WDR4: variants seen among roughly 807,000 people sequenced by gnomAD.
The protein encoded by WDR4 is tRNA (guanine-N(7)-)-methyltransferase non-catalytic subunit WDR4.
Under a neutral mutation model 48.6 loss-of-function variants are expected in WDR4, and 47 were observed. That is an observed-to-expected ratio of 0.97 (90% confidence interval 0.77 to 1.23). The LOEUF is 1.23. WDR4 is among the 50% of genes most tolerant of loss of function. The pLI, the probability that WDR4 is intolerant of heterozygous loss-of-function variation, is 0.00. For synonymous variants in WDR4, 268 were observed against 230.0 expected (o/e 1.17, Z -1.49); for missense variants, 606 against 551.6 (o/e 1.10, Z -0.99).
chr21:42,847,819 CCTGT>C (rs150559879), downstream of WDR4, among the ~76,000 whole-genome samples: 8,533 of 152,342 alleles, frequency 0.056, 351 homozygotes, highest in Non-Finnish European at 0.088. Context: ...AGCGCATGGG[CCTGT>C]CTGCCAGACC....
chr21:42,871,850 A>G (rs879913726), intron 3 of WDR4, among the ~76,000 whole-genome samples: 3 of 152,236 alleles, frequency 2.0e-5, no homozygotes, highest in Non-Finnish European at 4.4e-5. Context: ...ACATATACAT[A>G]AAAACATATA....
At chr21:42,867,392 C>CAAAAAAAAA (rs1569329587) in intron 3 of WDR4, among the ~76,000 whole-genome samples, 1 of 64,946 alleles carries the variant, frequency 1.5e-5, no homozygotes, top group Non-Finnish European at 3.2e-5. Flanking sequence ...CTCCGCTCCA[C>CAAAAAAAAA]CAAAAAAAAA....
intron 3 of WDR4, among the ~76,000 whole-genome samples, chr21:42,869,668 A>G (rs1327600361): frequency 6.9e-6 from 1 of 144,254 alleles, no homozygotes; most frequent in Non-Finnish European, 1.5e-5. Context: ...TAGGATATGG[A>G]AAAAAAAAAA....
At chr21:42,876,064 C>T (rs1380583633) in intron 2 of WDR4, among the ~76,000 whole-genome samples, 5 of 150,306 alleles carry the variant, frequency 3.3e-5, no homozygotes, top group Non-Finnish European at 4.4e-5. Flanking sequence ...GGACTACAGG[C>T]GCCCACCAGC....
chr21:42,849,976 A>C lies in WDR4; in HGVS notation c.*73T>G, dbSNP rs2057776447. The stretch of plus-strand genomic sequence containing the variant: ...GTCACCTTTTCCTTCTTGAAGGGAC[A>C]TGCCAGGATGCAGGGGAACAAGTTA... On this transcript the variant is annotated 3_prime_UTR_variant, in exon 11 of 11. Transcript: ENST00000398208. 1.9e-6 allele frequency: 3 copies of C among 1,576,816 alleles called. No individual in the cohort carries two copies. In the African/African-American group the frequency reaches 4.1e-5, roughly 22 times the overall value.
At chr21:42,851,441 C>T (rs1378393929) in intron 10 of WDR4, among the ~76,000 whole-genome samples, 1 of 152,212 alleles carries the variant, frequency 6.6e-6, no homozygotes, top group Non-Finnish European at 1.5e-5. Flanking sequence ...GGAAACTCCT[C>T]CGACCTCAGT....
At chr21:42,864,149 C>T (rs1428979343) in intron 3 of WDR4, among the ~76,000 whole-genome samples, 1 of 149,004 alleles carries the variant, frequency 6.7e-6, no homozygotes, top group African/African-American at 2.5e-5. Flanking sequence ...TAGAAAATTG[C>T]TCCTGATGGT....
At chr21:42,892,023 A>G in the WDR4 span, among the ~76,000 whole-genome samples, 1 of 151,076 alleles carries the variant, frequency 6.6e-6, no homozygotes, top group Non-Finnish European at 1.5e-5. Flanking sequence ...GGAGGCCGAG[A>G]CGGGTGGATC....
chr21:42,876,633 T>C, intron 2 of WDR4, 69 bp downstream of exon 2: 1 of 1,470,734 alleles, frequency 6.8e-7, no homozygotes, highest in Non-Finnish European at 9.4e-7. Flanking sequence ...CAACAATTGC[T>C]TCTTAGACCC....
intron 10 of WDR4, among the ~76,000 whole-genome samples, chr21:42,850,590 G>A (rs529044561): frequency 2.6e-5 from 4 of 152,182 alleles, no homozygotes; most frequent in Non-Finnish European, 5.9e-5. Flanking sequence ...GGTGGCAGGG[G>A]ACCAGGAGCA....
chr21:42,856,449 A>C (rs2057994931), intron 6 of WDR4, among the ~76,000 whole-genome samples: 1 of 152,048 alleles, frequency 6.6e-6, no homozygotes, highest in Admixed American at 6.5e-5. Flanking sequence ...ACTGCACTGC[A>C]GTGGCTATTC....
upstream of WDR4, among the ~76,000 whole-genome samples, chr21:42,881,078 T>C (rs2058605985): frequency 6.6e-6 from 1 of 152,158 alleles, no homozygotes; most frequent in Non-Finnish European, 1.5e-5. Context: ...GCTAATTTTT[T>C]GTATTTTTCA....
At chr21:42,854,094 A>G (rs2057918422) in intron 8 of WDR4, among the ~76,000 whole-genome samples, 1 of 152,230 alleles carries the variant, frequency 6.6e-6, no homozygotes, top group South Asian at 2.1e-4. Context: ...CCAGGCTGTC[A>G]TAAGGACAAG....
chr21:42,851,687 C>T (rs547056195), intron 10 of WDR4, among the ~76,000 whole-genome samples: 21 of 152,294 alleles, frequency 1.4e-4, no homozygotes, highest in African/African-American at 5.1e-4. Flanking sequence ...TCGTCCAGCT[C>T]CTCCCTCAGC....
downstream of WDR4, among the ~76,000 whole-genome samples, chr21:42,846,390 C>A (rs9325613): frequency 0.88 from 133,497 of 152,212 alleles, 58,611 homozygotes; most frequent in Middle Eastern, 0.92. Context: ...GCCAGCATGC[C>A]TGTGCAGTGC....
intron 7 of WDR4, among the ~76,000 whole-genome samples, chr21:42,855,320 G>A (rs1291996054): frequency 6.6e-6 from 1 of 152,142 alleles, no homozygotes; most frequent in Non-Finnish European, 1.5e-5. Context: ...GGCTTTCAGG[G>A]TGTCATGAGA....
chr21:42,861,771 C>T (rs2058121755), intron 5 of WDR4, among the ~76,000 whole-genome samples: 1 of 152,236 alleles, frequency 6.6e-6, no homozygotes, highest in Non-Finnish European at 1.5e-5. Flanking sequence ...TTACACTAAG[C>T]GTTTTTCCTT....
At chr21:42,883,098 CA>C (rs35978225), upstream of WDR4, among the ~76,000 whole-genome samples, 237 of 87,276 alleles carry the variant, frequency 2.7e-3, no homozygotes, top group South Asian at 7.8e-3. Context: ...GACTCCGTCT[CA>C]AAAAAAAAAA....
intron 10 of WDR4, 77 bp from the exon 11 acceptor site, chr21:42,850,319 G>A: frequency 7.3e-7 from 1 of 1,370,988 alleles, no homozygotes; most frequent in South Asian, 1.4e-5. Context: ...GCCCCCTGCA[G>A]CAGGGAGTTA....
Sources: gnomAD v4.1 joint callset for allele counts (sites outside exome capture counted in the v4.1 genomes callset) on GRCh38, gnomAD v4.1.1 for gene constraint, MANE v1.5 for transcripts, NCBI Gene and HGNC (gene_info 2026-07-23, HGNC 2026-07-21) for gene names.